The following NEDD4L variants were observed in gnomAD, a reference collection of about 807,000 sequenced individuals.
The protein encoded by NEDD4L is E3 ubiquitin-protein ligase NEDD4-like.
Under a neutral mutation model 148.9 loss-of-function variants are expected in NEDD4L, and 54 were observed. That is an observed-to-expected ratio of 0.36 (90% CI 0.29 to 0.45). The LOEUF is 0.45. Ranked by LOEUF, NEDD4L falls within the 20% of genes least tolerant of loss-of-function variation. The pLI, the probability that NEDD4L is intolerant of heterozygous loss-of-function variation, is 1.00. For synonymous variants in NEDD4L, 433 were observed against 440.7 expected (o/e 0.98, Z 0.22); for missense variants, 856 against 1,233.8 (o/e 0.69, Z 4.59).
intron 5 of NEDD4L, among the ~76,000 whole-genome samples, chr18:58,289,482 A>G (rs1443489938): frequency 6.6e-6 from 1 of 152,250 alleles, no homozygotes; most frequent in Non-Finnish European, 1.5e-5. Context: ...CGTTTACTAC[A>G]AGAATCTGCC....
At chr18:58,197,751 G>T (rs1336755970) in intron 2 of NEDD4L, 2 of 152,292 alleles carry the variant, frequency 1.3e-5, no homozygotes, top group Non-Finnish European at 2.9e-5. Context: ...CTTTGCCTTG[G>T]ATGGAATTTG....
At position 58,367,746 on chromosome 18, in the gene NEDD4L, G is replaced by A. The variant is rs1242344932; in HGVS notation, c.2064G>A (p.Thr688=). The change falls in exon 22 of 31, where the codon ACG becomes ACA. Residue 688 remains threonine, a splice_region_variant and synonymous_variant. Coordinates refer to ENST00000400345, the MANE Select transcript of NEDD4L (RefSeq NM_001144967.3). ...PYYGLFEYSA[T]DNYTLQINPN... is the part of the protein sequence containing the mutation. ...CTTTTCTTCTCTTTCTCCTCAAAAGGGACAACTACACCCTTCAGATCAACC... is the reference window on the plus strand; with the variant it reads ...CTTTTCTTCTCTTTCTCCTCAAAAGAGACAACTACACCCTTCAGATCAACC... 3 of 1,613,280 alleles carry A rather than the reference G, an allele frequency of 1.9e-6. No homozygotes were observed. Among genetic ancestry groups the A allele is most frequent in the Non-Finnish European group, 2.5e-6 (3 of 1,179,700 alleles).
intron 1 of NEDD4L, among the ~76,000 whole-genome samples, chr18:58,135,922 T>G (rs912046561): frequency 6.6e-6 from 1 of 152,216 alleles, no homozygotes; most frequent in Non-Finnish European, 1.5e-5. Context: ...TTTTGCTCAT[T>G]GATGGCCATA....
intron 2 of NEDD4L, among the ~76,000 whole-genome samples, chr18:58,169,333 C>T (rs1352710081): frequency 6.6e-6 from 1 of 152,156 alleles, no homozygotes; most frequent in Non-Finnish European, 1.5e-5. Flanking sequence ...AGATGCTTCC[C>T]TTTGGATCAT....
chr18:58,167,338 T>G (rs562005979), intron 2 of NEDD4L, among the ~76,000 whole-genome samples: 2 of 152,208 alleles, frequency 1.3e-5, no homozygotes, highest in Non-Finnish European at 2.9e-5. Flanking sequence ...GCTTCCCTTC[T>G]CTTCCCTTTC....
chr18:58,044,566 AC>A lies in NEDD4L; in HGVS notation c.-93del, dbSNP rs1016330560. The A allele has an allele frequency of 1.4e-6, 2 of 1,407,674 alleles. No homozygotes were observed. The highest frequency in any genetic ancestry group is 3.0e-5 in the Admixed American group (1 of 33,458). 87.2% of individuals were successfully genotyped at this position (1,407,674 alleles called of 1,614,324 possible). A position where few individuals can be genotyped will look rare whatever the true frequency, so the allele number is the denominator to read the frequency against. ...GGGCGTGCGCAGGGTAGGGTGCGGG[AC>A]CGGGGGGACCTGGAGGCAGAGGGGA... is the stretch of plus-strand genomic sequence containing the variant. On this transcript the variant is annotated 5_prime_UTR_variant, in exon 1 of 31. Coordinates refer to ENST00000400345, the MANE Select transcript of NEDD4L (RefSeq NM_001144967.3).
At chr18:58,133,259 A>G (rs1371257710) in intron 1 of NEDD4L, among the ~76,000 whole-genome samples, 1 of 152,222 alleles carries the variant, frequency 6.6e-6, no homozygotes, top group Non-Finnish European at 1.5e-5. Flanking sequence ...GACAGGGATA[A>G]TTAGGAGAAT....
At chr18:58,111,152 C>A (rs2085396561) in intron 1 of NEDD4L, among the ~76,000 whole-genome samples, 1 of 152,338 alleles carries the variant, frequency 6.6e-6, no homozygotes, top group East Asian at 1.9e-4. Context: ...ACTGCAACCT[C>A]TGCCTCCTGC....
At chr18:58,246,096 T>C (rs1370444506) in intron 3 of NEDD4L, among the ~76,000 whole-genome samples, 1 of 152,166 alleles carries the variant, frequency 6.6e-6, no homozygotes, top group Non-Finnish European at 1.5e-5. Flanking sequence ...AAGATAGTGA[T>C]TCAGGTTTTT....
At chr18:58,094,184 T>C (rs934168644) in intron 1 of NEDD4L, among the ~76,000 whole-genome samples, 1 of 151,548 alleles carries the variant, frequency 6.6e-6, no homozygotes, top group Non-Finnish European at 1.5e-5. Flanking sequence ...TTTTTTTTAA[T>C]TTTTCTTTTC....
At chr18:58,250,859 G>A (rs1006465676) in intron 4 of NEDD4L, among the ~76,000 whole-genome samples, 12 of 152,192 alleles carry the variant, frequency 7.9e-5, no homozygotes, top group African/African-American at 2.9e-4. Flanking sequence ...GTAGCTCTAT[G>A]TCACACATGT....
intron 1 of NEDD4L, among the ~76,000 whole-genome samples, chr18:58,075,308 G>A (rs944420353): frequency 6.6e-6 from 1 of 152,064 alleles, no homozygotes; most frequent in Non-Finnish European, 1.5e-5. Context: ...ACACCACCAT[G>A]CCCGACTACT....
chr18:58,314,305 T>G (rs764371932), intron 5 of NEDD4L, among the ~76,000 whole-genome samples: 9 of 151,780 alleles, frequency 5.9e-5, no homozygotes, highest in Non-Finnish European at 8.8e-5. Flanking sequence ...TAGTCCCAAT[T>G]ACTCAGTAGG....
rs531447861 is a variant in NEDD4L, at chr18:58,165,982, C to T, written c.122+121C>T. On this transcript the variant is annotated intron_variant, in intron 2 of 30. Coordinates refer to ENST00000400345, the MANE Select transcript of NEDD4L (RefSeq NM_001144967.3). ...TAAGACAAAGCTGGCTGGGCCCCAC[C>T]TGCAGGGATTCTGATTTAGGAAGTG... 3.1e-4 allele frequency: 240 copies of T among 765,226 alleles called. 4 individuals are homozygous for T. In the South Asian group the frequency reaches 4.1e-3, roughly 13 times the overall value. 47.4% of individuals were successfully genotyped at this position (765,226 alleles called of 1,614,324 possible). A position where few individuals can be genotyped will look rare whatever the true frequency, so the allele number is the denominator to read the frequency against.
intron 1 of NEDD4L, among the ~76,000 whole-genome samples, chr18:58,161,285 C>T (rs1404372803): frequency 6.6e-6 from 1 of 152,166 alleles, no homozygotes; most frequent in Non-Finnish European, 1.5e-5. Flanking sequence ...CCCATCTTGG[C>T]CTCCCAAAGT....
At chr18:58,384,134 T>C (rs1464371014) in intron 25 of NEDD4L, among the ~76,000 whole-genome samples, 1 of 152,184 alleles carries the variant, frequency 6.6e-6, no homozygotes, top group Non-Finnish European at 1.5e-5. Flanking sequence ...TTCTTCTCAT[T>C]TGGAATTGGT....
chr18:58,213,804 C>T (rs908425117), intron 2 of NEDD4L, among the ~76,000 whole-genome samples: 1 of 151,884 alleles, frequency 6.6e-6, no homozygotes, highest in Non-Finnish European at 1.5e-5. Flanking sequence ...TGCTGATATC[C>T]TCTTAGATTT....
At chr18:58,179,193 G>C (rs2038533194) in intron 2 of NEDD4L, among the ~76,000 whole-genome samples, 1 of 152,130 alleles carries the variant, frequency 6.6e-6, no homozygotes, top group African/African-American at 2.4e-5. Context: ...TCTGGAGTGT[G>C]ATTTCATCTT....
chr18:58,344,976 A>C (rs1193493843), intron 16 of NEDD4L, among the ~76,000 whole-genome samples: 2 of 152,260 alleles, frequency 1.3e-5, no homozygotes, highest in Non-Finnish European at 2.9e-5. Context: ...AAGCCACAAC[A>C]ACAGTGTAAT....
Sources: allele counts gnomAD v4.1 joint callset (sites outside exome capture counted in the v4.1 genomes callset), GRCh38; gene constraint gnomAD v4.1.1; transcripts MANE v1.5; gene names NCBI Gene and HGNC (gene_info 2026-07-23, HGNC 2026-07-21).